The following TMEM132B variants were observed in gnomAD, a reference collection of about 807,000 sequenced individuals.
The protein encoded by TMEM132B is transmembrane protein 132B.
A neutral mutation model predicts 90.8 loss-of-function variants in TMEM132B; 18 were observed. The observed-to-expected ratio is 0.20, with a 90% CI of 0.14 to 0.29. TMEM132B has a LOEUF of 0.29. TMEM132B is among the 10% of genes least tolerant of loss of function. The probability of loss-of-function intolerance (pLI) is 1.00; values close to 1 mark genes in which losing one functional copy is unlikely to be tolerated. For synonymous variants in TMEM132B, 504 were observed against 523.3 expected (o/e 0.96, Z 0.50); for missense variants, 1,096 against 1,326.8 (o/e 0.83, Z 2.70).
chr12:125,572,453 A>G (rs1410096664), intron 4 of TMEM132B, among the ~76,000 whole-genome samples: 1 of 152,232 alleles, frequency 6.6e-6, no homozygotes, highest in Non-Finnish European at 1.5e-5. Flanking sequence ...TTGGAAGCAG[A>G]GGGCAGCCCT....
chr12:125,620,020 CT>C (rs1328937589), intron 5 of TMEM132B, among the ~76,000 whole-genome samples: 3 of 152,160 alleles, frequency 2.0e-5, no homozygotes, highest in African/African-American at 7.2e-5. Flanking sequence ...TCTGGGACTT[CT>C]GTTTAGTCAT....
chr12:125,652,042 A>G (rs2137050768), intron 7 of TMEM132B, among the ~76,000 whole-genome samples: 1 of 152,318 alleles, frequency 6.6e-6, no homozygotes, highest in East Asian at 1.9e-4. Flanking sequence ...ATGTGATTAC[A>G]TTGGGTCCAC....
At chr12:125,593,986 C>A (rs963462367) in intron 5 of TMEM132B, among the ~76,000 whole-genome samples, 8 of 152,106 alleles carry the variant, frequency 5.3e-5, no homozygotes, top group African/African-American at 1.9e-4. Context: ...GTGAAATTAT[C>A]ACCAAAATCA....
chr12:125,209,659 T>C lies in TMEM132B; in HGVS notation c.67+22793T>C, dbSNP rs1172017556. Among the ~76,000 whole-genome samples, 1 of 152,266 alleles carries C rather than the reference T, an allele frequency of 6.6e-6. No homozygotes were observed. Among genetic ancestry groups the C allele is most frequent in the Non-Finnish European group, 1.5e-5 (1 of 68,036 alleles). On this transcript the variant is annotated intron_variant, in intron 1 of 8. Transcript: ENST00000682704. This position sits in a 1 kb window ranked among gnomAD's most constrained non-coding sequence, Gnocchi z 4.4. ...AGATCACAGGCACCTCTTTGGCAGA[T>C]GTGGAGTCTGAGTGGCTCAGACAGG...
At chr12:125,635,258 T>A (rs1886454301) in intron 5 of TMEM132B, among the ~76,000 whole-genome samples, 1 of 152,232 alleles carries the variant, frequency 6.6e-6, no homozygotes, top group Non-Finnish European at 1.5e-5. Context: ...ACCCGTCATC[T>A]ACATGAGGTA....
At chr12:125,411,899 A>ATGT (rs1879857598) in intron 2 of TMEM132B, among the ~76,000 whole-genome samples, 1 of 152,154 alleles carries the variant, frequency 6.6e-6, no homozygotes, top group African/African-American at 2.4e-5. Flanking sequence ...ATATTTCAAA[A>ATGT]TGTTGACATT....
intron 3 of TMEM132B, among the ~76,000 whole-genome samples, chr12:125,468,486 A>C (rs1005995883): frequency 6.6e-6 from 1 of 152,212 alleles, no homozygotes; most frequent in Admixed American, 6.5e-5. Context: ...GGGAAGCCCA[A>C]TGTATGTTCC....
intron 5 of TMEM132B, among the ~76,000 whole-genome samples, chr12:125,608,059 A>G (rs545707622): frequency 6.6e-6 from 1 of 152,300 alleles, no homozygotes; most frequent in Non-Finnish European, 1.5e-5. Flanking sequence ...ATCTGTAAAC[A>G]TGTTTTTGTG....
intron 2 of TMEM132B, among the ~76,000 whole-genome samples, chr12:125,359,218 A>T (rs1490962733): frequency 6.6e-6 from 1 of 152,226 alleles, no homozygotes; most frequent in Non-Finnish European, 1.5e-5. Context: ...TGACAGGGTG[A>T]ATGTTTATGC....
rs192772525 is a variant in TMEM132B, at chr12:125,533,804, C to A, written c.1293+14179C>A. Among the ~76,000 whole-genome samples the A allele has an allele frequency of 4.6e-3, 695 of 152,378 alleles. 3 individuals carry two copies. The highest frequency in any genetic ancestry group is 0.02 in the South Asian group (95 of 4,826). On this transcript the variant is annotated intron_variant, in intron 4 of 8. Transcript: ENST00000682704. ...GGCTCCTTCCTGCAGCCCGAGCCAG[C>A]GCTCAGCGCAGCCCGTGACCCCTGG...
At chr12:125,259,621 G>C (rs1005624452) in intron 1 of TMEM132B, among the ~76,000 whole-genome samples, 4 of 152,144 alleles carry the variant, frequency 2.6e-5, no homozygotes, top group African/African-American at 9.7e-5. Context: ...TCCTTAAATG[G>C]TTTCTGTAAT....
chr12:125,190,372 G>C (rs1957789738), intron 1 of TMEM132B, among the ~76,000 whole-genome samples: 1 of 151,580 alleles, frequency 6.6e-6, no homozygotes, highest in Admixed American at 6.6e-5. Context: ...TAGTGGTGAT[G>C]GTGATGGGAA....
chr12:125,263,287 TATGG>T (rs1392127066), intron 1 of TMEM132B, among the ~76,000 whole-genome samples: 2 of 152,116 alleles, frequency 1.3e-5, no homozygotes, highest in African/African-American at 4.8e-5. Context: ...TGCTGGACAG[TATGG>T]AGAGGTACGT....
chr12:125,260,225 T>A (rs1874532292), intron 1 of TMEM132B, among the ~76,000 whole-genome samples: 2 of 152,230 alleles, frequency 1.3e-5, no homozygotes, highest in African/African-American at 4.8e-5. Context: ...TGTCTTGCGC[T>A]AGAGCTTGCA....
intron 2 of TMEM132B, among the ~76,000 whole-genome samples, chr12:125,387,168 TG>T (rs546016311): frequency 2.6e-5 from 1 of 38,706 alleles, no homozygotes; most frequent in East Asian, 8.8e-4. Context: ...GGGGAGATGG[TG>T]GGGGGGTGGG....
Position 125,432,528 on chromosome 12 carries a change from T to TAGAGAG in TMEM132B, c.1106+16885_1106+16890dup, listed in dbSNP as rs1163300235. Among the ~76,000 whole-genome samples the TAGAGAG allele has an allele frequency of 6.1e-3, 238 of 39,112 alleles. 35 individuals are homozygous for TAGAGAG. The highest frequency in any genetic ancestry group is 0.02 in the South Asian group (22 of 1,078). 25.7% of individuals were successfully genotyped at this position (39,112 alleles called of 152,430 possible). On this transcript the variant is annotated intron_variant, in intron 3 of 8. Transcript: ENST00000682704. ...GTGTGTGTGTATATATATATATATA[T>TAGAGAG]AGAGAGAGAGAGAGAGAGAGAGAGA...
At chr12:125,528,260 G>A (rs1041624417) in intron 4 of TMEM132B, among the ~76,000 whole-genome samples, 4 of 152,006 alleles carry the variant, frequency 2.6e-5, no homozygotes, top group African/African-American at 7.3e-5. Context: ...GTGGCTTGGT[G>A]TTGAGGGCTG....
chr12:125,515,218 TCA>T lies in TMEM132B; in HGVS notation c.1107-4216_1107-4215del, dbSNP rs1267203296. 6.7e-5 allele frequency among the ~76,000 whole-genome samples: 10 copies of T among 148,884 alleles called. No individual in the cohort carries two copies. The South Asian group carries it at 1.9e-3, about 28-fold the overall frequency. Reference sequence around the variant, plus strand: ...CTCATGCACACTCAAACACACACGTTCACACATTCTCTCACACACATGCATTC... The same window carrying T: ...CTCATGCACACTCAAACACACACGTTCACATTCTCTCACACACATGCATTC... On this transcript the variant is annotated intron_variant, in intron 3 of 8. Transcript: ENST00000682704.
intron 5 of TMEM132B, among the ~76,000 whole-genome samples, chr12:125,597,268 GA>G (rs1041310200): frequency 1.8e-4 from 28 of 152,166 alleles, no homozygotes; most frequent in African/African-American, 6.5e-4. Flanking sequence ...GTTCCCAAAA[GA>G]AAAATTGATA....
Sources: gnomAD v4.1 joint callset for allele counts (sites outside exome capture counted in the v4.1 genomes callset) on GRCh38, gnomAD v4.1.1 for gene constraint, Gnocchi (gnomAD v3.1) non-coding constraint, MANE v1.5 for transcripts, NCBI Gene and HGNC (gene_info 2026-07-23, HGNC 2026-07-21) for gene names.